Variants in PLK1 observed in about 807,000 individuals in gnomAD.
The protein encoded by PLK1 is polo like kinase 1.
A neutral mutation model predicts 56.7 loss-of-function variants in PLK1; 6 were observed. The ratio of observed to expected loss-of-function variants is 0.11; its 90% CI spans 0.06 to 0.21. The LOEUF is 0.21. PLK1 is among the 10% of genes least tolerant of loss of function. The probability of loss-of-function intolerance (pLI) is 1.00; values close to 1 mark genes in which losing one functional copy is unlikely to be tolerated. For synonymous variants in PLK1, 298 were observed against 325.0 expected, an observed-to-expected ratio of 0.92 and a Z score of 0.89; for missense variants, 546 against 814.4, an observed-to-expected ratio of 0.67 and a Z score of 4.01.
Position 23,679,051 on chromosome 16 carries a change from T to C in PLK1, c.119T>C (p.Ile40Thr). Residue 40 changes from isoleucine to threonine, a missense_variant, in exon 1 of 10, where the codon ATC becomes ACC. Physicochemically the swap from Ile to Thr is moderately conservative, Grantham distance 89. Around this residue, in one of 7 missense-constraint regions of PLK1, gnomAD observed 72 missense variants for 63.7 expected, o/e 1.13. Coordinates refer to ENST00000300093, the MANE Select transcript of PLK1 (RefSeq NM_005030.6). The part of the protein sequence containing the change: ...APAAAPPAKE[I>T]PEVLVDPRSR... The stretch of plus-strand genomic sequence containing the variant: ...GCGGCGGCTCCACCGGCGAAAGAGA[T>C]CCCGGAGGTCCTAGTGGACCCACGC... The C allele has an allele frequency of 1.2e-6, 2 of 1,607,284 alleles. No individual in the cohort carries two copies. The highest frequency in any genetic ancestry group is 1.7e-6 in the Non-Finnish European group (2 of 1,175,746).
At chr16:23,683,687 A>T (rs549576226) in intron 4 of PLK1, among the ~76,000 whole-genome samples, 183 bp from the exon 5 acceptor site, 1 of 152,284 alleles carries the variant, frequency 6.6e-6, no homozygotes, top group Admixed American at 6.5e-5. Context: ...CCTTCTGTCA[A>T]TGGTGCTCAG....
rs1028552208 is a variant in PLK1, at chr16:23,690,209, G to T, written c.*146G>T. 5.9e-6 allele frequency: 4 copies of T among 675,008 alleles called. No individual in the cohort carries two copies. The highest frequency in any genetic ancestry group is 2.6e-5 in the East Asian group (1 of 38,904). 41.8% of individuals were successfully genotyped at this position (675,008 alleles called of 1,614,324 possible). On this transcript the variant is annotated 3_prime_UTR_variant, in exon 10 of 10. Coordinates refer to ENST00000300093, the MANE Select transcript of PLK1 (RefSeq NM_005030.6). ...AGCTGCATCATCCTTGCAGGTGGGG[G>T]TTGCTGTATAAGTTATTTTTGTACA...
chr16:23,680,008 C>A, intron 1 of PLK1, 76 bp from the exon 2 acceptor site: 2 of 1,037,144 alleles, frequency 1.9e-6, no homozygotes, highest in South Asian at 1.4e-5. Context: ...GCTTCCTTTG[C>A]CTGGTAACCC....
chr16:23,687,164 A>T (rs1411036514), intron 5 of PLK1: 3 of 207,264 alleles, frequency 1.4e-5, no homozygotes, highest in African/African-American at 2.3e-5. Context: ...GATGCTTTCC[A>T]TTCTTTGCTC....
chr16:23,686,422 T>A (rs1217162112), intron 5 of PLK1, among the ~76,000 whole-genome samples: 1 of 152,224 alleles, frequency 6.6e-6, no homozygotes, highest in Non-Finnish European at 1.5e-5. Context: ...TATCAACATT[T>A]GGACAGACTG....
chr16:23,688,754 CT>C lies in PLK1; in HGVS notation c.1270+11del. The C allele has an allele frequency of 6.2e-7, 1 of 1,602,096 alleles. No individual in the cohort carries two copies. Among genetic ancestry groups the C allele is most frequent in the South Asian group, 1.1e-5 (1 of 90,876 alleles). Reference sequence around the variant, plus strand: ...GGACAAGTACGGCCTTGGTAGGTTTCTTCCAGAACAGGTGGGTGACTCAGGC... The same window carrying C: ...GGACAAGTACGGCCTTGGTAGGTTTCTCCAGAACAGGTGGGTGACTCAGGC... On this transcript the variant is annotated intron_variant, in intron 7 of 9. Transcript: ENST00000300093.
chr16:23,684,119 A>T, intron 5 of PLK1, 30 bp downstream of exon 5: 1 of 1,571,784 alleles, frequency 6.4e-7, no homozygotes, highest in Non-Finnish European at 8.8e-7. Flanking sequence ...AAGAGAGCAG[A>T]CCCCCCAGAG....
chr16:23,682,540 T>A (rs1442062223), intron 4 of PLK1, among the ~76,000 whole-genome samples: 1 of 151,770 alleles, frequency 6.6e-6, no homozygotes, highest in African/African-American at 2.4e-5. Context: ...TTTTTTTTTT[T>A]TTATTTGAGG....
Position 23,689,934 on chromosome 16 carries a change from A to C in PLK1, c.1683A>C (p.Thr561=), listed in dbSNP as rs56298795. 1 of 1,613,854 alleles carries C rather than the reference A, an allele frequency of 6.2e-7. No homozygotes were observed. The highest frequency in any genetic ancestry group is 8.5e-7 in the Non-Finnish European group (1 of 1,179,762). ...TYIDEKRDFR[T]YRLSLLEEYG... ...TCGACGAGAAGCGGGACTTCCGCACATACCGCCTGAGTCTCCTGGAGGAGT... is the reference window on the plus strand; with the variant it reads ...TCGACGAGAAGCGGGACTTCCGCACCTACCGCCTGAGTCTCCTGGAGGAGT... Residue 561 remains threonine (T), a synonymous_variant, in exon 10 of 10, where the codon ACA becomes ACC. Transcript: ENST00000300093. This position sits in a 1 kb window ranked among gnomAD's most constrained non-coding sequence, Gnocchi z 4.8.
intron 4 of PLK1, 137 bp from the exon 5 acceptor site, chr16:23,683,733 G>C (rs1019546349): frequency 8.3e-6 from 6 of 723,376 alleles, no homozygotes; most frequent in Non-Finnish European, 1.2e-5. Flanking sequence ...ATTGAACCAA[G>C]TTGTGAACCA....
intron 2 of PLK1, among the ~76,000 whole-genome samples, 192 bp downstream of exon 2, chr16:23,680,444 G>T (rs549554073): frequency 3.3e-5 from 5 of 152,234 alleles, no homozygotes; most frequent in African/African-American, 9.6e-5. Context: ...AAATTGGAAG[G>T]TTTGATTGAA....
At position 23,679,228 on chromosome 16, in the gene PLK1, C is replaced by T. The variant is rs1203983274; in HGVS notation, c.296C>T (p.Ser99Phe). The T allele has an allele frequency of 2.5e-6, 4 of 1,614,162 alleles. No individual in the cohort carries two copies. The highest frequency in any genetic ancestry group is 1.3e-5 in the African/African-American group (1 of 75,048). ...LLKPHQREKM[S>F]MEISIHRSLA... is the part of the protein sequence containing the mutation. ...AAGCCGCACCAGAGGGAGAAGATGT[C>T]CATGGAAATATCCATTCACCGCAGC... Residue 99 changes from serine to phenylalanine, a missense_variant, in exon 1 of 10, where the codon TCC (serine) becomes TTC (phenylalanine). Physicochemically the swap from Ser to Phe is radical, Grantham distance 155. This residue lies in a region of PLK1 where 111 missense variants were observed against 211.8 expected (regional missense o/e 0.52). Transcript: ENST00000300093.
At position 23,689,267 on chromosome 16, in the gene PLK1, G is replaced by C. The variant is rs758785599; in HGVS notation, c.1300G>C (p.Val434Leu). 6.2e-7 allele frequency: 1 copy of C among 1,613,586 alleles called. No homozygotes were observed. The highest frequency in any genetic ancestry group is 2.2e-5 in the East Asian group (1 of 44,850). ...GYQLCDNSVGVLFNDSTRLIL... is the reference protein window; with the variant it reads ...GYQLCDNSVGLLFNDSTRLIL... ...TCAGCTCTGTGATAACAGCGTGGGG[G>C]TGCTCTTCAATGACTCAACACGCCT... is the stretch of plus-strand genomic sequence containing the variant. The change falls in exon 8 of 10, where the codon GTG (valine) becomes CTG (leucine). Residue 434 changes from valine to leucine, a missense_variant. Physicochemically the swap from Val to Leu is conservative, Grantham distance 32. Coordinates refer to ENST00000300093, the MANE Select transcript of PLK1 (RefSeq NM_005030.6). The surrounding 1 kb of genome is among the most constrained non-coding windows in gnomAD (Gnocchi z 4.8).
intron 3 of PLK1, 82 bp downstream of exon 3, chr16:23,681,140 G>A (rs1171415908): frequency 4.8e-6 from 6 of 1,255,420 alleles, no homozygotes; most frequent in Non-Finnish European, 6.9e-6. Context: ...CCTTTTCTGT[G>A]GACCTTTCGG....
At chr16:23,681,128 G>A in intron 3 of PLK1, 70 bp downstream of exon 3, 1 of 1,407,294 alleles carries the variant, frequency 7.1e-7, no homozygotes, top group Non-Finnish European at 9.9e-7. Context: ...CTACCTGGCT[G>A]ACCTTTTCTG....
rs1359866125 is a variant in PLK1 at position 23,689,179 on chromosome 16, C to T, written c.1271-59C>T. On this transcript the variant is annotated intron_variant, in intron 7 of 9. Coordinates refer to ENST00000300093, the MANE Select transcript of PLK1 (RefSeq NM_005030.6). The surrounding 1 kb of genome is among the most constrained non-coding windows in gnomAD (Gnocchi z 4.8). The stretch of plus-strand genomic sequence containing the variant: ...AATCACAGGCATGTGCCACCACGCC[C>T]GGTCCCACTCCCCACTTTCTATTCC... The T allele has an allele frequency of 3.5e-5, 52 of 1,488,988 alleles. No individual in the cohort carries two copies. Among genetic ancestry groups the T allele is most frequent in the Middle Eastern group, 2.4e-4 (1 of 4,208 alleles). 92.2% of individuals were successfully genotyped at this position (1,488,988 alleles called of 1,614,324 possible). A position where few individuals can be genotyped will look rare whatever the true frequency, so the allele number is the denominator to read the frequency against.
chr16:23,684,719 G>A (rs776150572), intron 5 of PLK1, among the ~76,000 whole-genome samples: 30 of 151,608 alleles, frequency 2.0e-4, no homozygotes, highest in Admixed American at 4.6e-4. Flanking sequence ...TTTTTGTGGC[G>A]TGATCCCGGC....
chr16:23,680,334 C>T, intron 2 of PLK1, 82 bp downstream of exon 2: 1 of 1,209,230 alleles, frequency 8.3e-7, no homozygotes, highest in African/African-American at 1.5e-5. Flanking sequence ...AGGAAGGAGA[C>T]AACCCACAAG....
intron 5 of PLK1, among the ~76,000 whole-genome samples, chr16:23,685,630 C>T (rs943456473): frequency 2.0e-5 from 3 of 151,876 alleles, no homozygotes; most frequent in African/African-American, 4.8e-5. Flanking sequence ...ATCACTTGAA[C>T]CTGGAAGGCG....
Sources: allele counts gnomAD v4.1 joint callset (sites outside exome capture counted in the v4.1 genomes callset), GRCh38; gene constraint gnomAD v4.1.1; regional missense constraint gnomAD v4.1.1; non-coding constraint Gnocchi (gnomAD v3.1); transcripts MANE v1.5; gene names NCBI Gene and HGNC (gene_info 2026-07-23, HGNC 2026-07-21).